Variants in IFT43 observed in about 807,000 individuals in gnomAD.
IFT43 encodes intraflagellar transport protein 43 homolog.
In IFT43, 33 loss-of-function variants were observed where a neutral mutation model predicts 32.3. The ratio of observed to expected loss-of-function variants is 1.02; its 90% confidence interval spans 0.77 to 1.37. The LOEUF is 1.37. IFT43 is among the 40% of genes most tolerant of loss of function. IFT43 has a pLI of 0.00. For synonymous variants in IFT43, 93 were observed against 98.2 expected (o/e 0.95, Z 0.31); for missense variants, 274 against 265.9 (o/e 1.03, Z -0.21).
chr14:76,002,634 G>A lies in IFT43; in HGVS notation c.147+13657G>A, dbSNP rs567859452. 3.3e-5 allele frequency among the ~76,000 whole-genome samples: 5 copies of A among 152,284 alleles called. No individual in the cohort carries two copies. In the East Asian group the frequency reaches 5.8e-4, roughly 18 times the overall value. ...GAATAATGAGAATAGTTGTGGAGAG[G>A]GAGCCAAATGCCCAAATTTTTGGTC... On this transcript the variant is annotated intron_variant, in intron 2 of 8. Transcript: ENST00000314067.
intron 2 of IFT43, among the ~76,000 whole-genome samples, chr14:76,001,909 C>A (rs1391218040): frequency 6.6e-6 from 1 of 152,152 alleles, no homozygotes; most frequent in Non-Finnish European, 1.5e-5. Context: ...GGCATTAATC[C>A]ATTCATGAGG....
chr14:76,001,185 C>CA (rs2035878550), intron 2 of IFT43, among the ~76,000 whole-genome samples: 1 of 152,148 alleles, frequency 6.6e-6, no homozygotes, highest in Admixed American at 6.5e-5. Context: ...GGGATGGATC[C>CA]AGGTTTTATG....
rs771473725 is a variant in IFT43, at chr14:75,985,842, T to A, written c.54+2T>A. 6.2e-7 allele frequency: 1 copy of A among 1,613,964 alleles called. No homozygotes were observed. The highest frequency in any genetic ancestry group is 1.7e-5 in the Admixed American group (1 of 60,016). Reference sequence around the variant, plus strand: ...CTTCGCTACAGCTTGGCTACCTCCGTGAGGACCAATTCGGGGGCCTTGGGG... The same window carrying A: ...CTTCGCTACAGCTTGGCTACCTCCGAGAGGACCAATTCGGGGGCCTTGGGG... On this transcript the variant is annotated splice_donor_variant, in intron 1 of 8. Coordinates refer to ENST00000314067, the MANE Select transcript of IFT43 (RefSeq NM_001102564.3). LOFTEE classifies it high-confidence loss of function.
At chr14:76,023,523 T>G (rs1358446906) in intron 3 of IFT43, among the ~76,000 whole-genome samples, 1 of 152,250 alleles carries the variant, frequency 6.6e-6, no homozygotes, top group Non-Finnish European at 1.5e-5. Context: ...GAGGATTAAA[T>G]GAATTCGTAT....
chr14:75,988,654 G>A (rs1280373200), intron 1 of IFT43, among the ~76,000 whole-genome samples: 1 of 152,062 alleles, frequency 6.6e-6, no homozygotes, highest in Non-Finnish European at 1.5e-5. Flanking sequence ...AAATAGCTGG[G>A]ACTACAGGCG....
chr14:76,074,466 C>A (rs1056753236), intron 5 of IFT43, among the ~76,000 whole-genome samples: 2 of 152,296 alleles, frequency 1.3e-5, no homozygotes, highest in African/African-American at 2.4e-5. Context: ...CTAAAGGTCA[C>A]CTGGGCAGGT....
rs188795754 is a variant in IFT43 at position 76,054,503 on chromosome 14, A to G, written c.216-4139A>G. On this transcript the variant is annotated intron_variant, in intron 3 of 8. Coordinates refer to ENST00000314067, the MANE Select transcript of IFT43 (RefSeq NM_001102564.3). ...CTAACTAGCTCTGTGATTTGGGTGA[A>G]GCCCACAGCTGCAGTGCCCAGCGTC... 1.9e-3 allele frequency among the ~76,000 whole-genome samples: 289 copies of G among 152,362 alleles called. 1 individual carries two copies. Among genetic ancestry groups the G allele is most frequent in the African/African-American group, 6.0e-3 (250 of 41,584 alleles).
At chr14:76,080,817 C>G (rs1186288124) in intron 5 of IFT43, among the ~76,000 whole-genome samples, 1 of 152,202 alleles carries the variant, frequency 6.6e-6, no homozygotes, top group East Asian at 1.9e-4. Context: ...TTAGAGCATT[C>G]CATCTCCAAT....
chr14:76,037,836 C>T (rs1298005431), intron 3 of IFT43, among the ~76,000 whole-genome samples: 3 of 152,110 alleles, frequency 2.0e-5, no homozygotes, highest in Non-Finnish European at 4.4e-5. Flanking sequence ...GGGCTTGGAA[C>T]ACATAGGTGC....
chr14:76,070,713 T>G (rs1017789481), intron 5 of IFT43, among the ~76,000 whole-genome samples: 1 of 152,146 alleles, frequency 6.6e-6, no homozygotes, highest in African/African-American at 2.4e-5. Flanking sequence ...ACCATCCCCT[T>G]GGCGCTGTCC....
chr14:76,053,117 T>C (rs2036946140), intron 3 of IFT43, among the ~76,000 whole-genome samples: 1 of 152,168 alleles, frequency 6.6e-6, no homozygotes, highest in African/African-American at 2.4e-5. Flanking sequence ...TAAGGTACTA[T>C]AATACTGAAA....
chr14:75,993,276 A>G (rs2035677507), intron 2 of IFT43, among the ~76,000 whole-genome samples: 2 of 152,322 alleles, frequency 1.3e-5, no homozygotes, highest in Admixed American at 1.3e-4. Flanking sequence ...CGCATTTATA[A>G]ATCAGGAAAT....
intron 2 of IFT43, among the ~76,000 whole-genome samples, chr14:76,011,344 T>G (rs903077389): frequency 6.6e-6 from 1 of 152,208 alleles, no homozygotes; most frequent in African/African-American, 2.4e-5. Context: ...TCACCTGATT[T>G]GTAAACTGGA....
intron 3 of IFT43, chr14:76,038,008 C>T (rs1266907435): frequency 6.6e-6 from 1 of 152,192 alleles, no homozygotes; most frequent in Admixed American, 6.5e-5. Flanking sequence ...CAATTTTGCT[C>T]ATTTGGTTTT....
At chr14:75,997,740 A>G (rs919016285) in intron 2 of IFT43, among the ~76,000 whole-genome samples, 3 of 151,570 alleles carry the variant, frequency 2.0e-5, no homozygotes, top group African/African-American at 4.8e-5. Flanking sequence ...TTAGAAAATA[A>G]AAGTGTTTGT....
chr14:76,058,408 C>A, intron 3 of IFT43: 1 of 473,514 alleles, frequency 2.1e-6, no homozygotes, highest in South Asian at 2.1e-5. Context: ...CCTGCACTTA[C>A]ACTCTCAACA....
intron 3 of IFT43, among the ~76,000 whole-genome samples, chr14:76,032,464 T>G (rs2036525682): frequency 6.6e-6 from 1 of 152,222 alleles, no homozygotes; most frequent in Admixed American, 6.5e-5. Context: ...CTACCTTACC[T>G]CACTTTACAT....
At chr14:76,015,361 C>G (rs76479444) in intron 2 of IFT43, among the ~76,000 whole-genome samples, 1 of 152,176 alleles carries the variant, frequency 6.6e-6, no homozygotes, top group Admixed American at 6.5e-5. Context: ...CCTCTCCCCT[C>G]TGCTTCAGTG....
chr14:76,069,251 A>G (rs2037278019), intron 5 of IFT43, among the ~76,000 whole-genome samples: 1 of 152,136 alleles, frequency 6.6e-6, no homozygotes, highest in Non-Finnish European at 1.5e-5. Flanking sequence ...ACCAGAATTC[A>G]CTATCTCGAG....
Sources: gnomAD v4.1 joint callset for allele counts (sites outside exome capture counted in the v4.1 genomes callset) on GRCh38, gnomAD v4.1.1 for gene constraint, MANE v1.5 for transcripts, NCBI Gene and HGNC (gene_info 2026-07-23, HGNC 2026-07-21) for gene names.